APOLD1: variants seen among roughly 807,000 people sequenced by gnomAD.
APOLD1 encodes the protein apolipoprotein L domain-containing protein 1.
In APOLD1, 22 loss-of-function variants were observed where a neutral mutation model predicts 15.3. The ratio of observed to expected loss-of-function variants is 1.44; its 90% confidence interval spans 1.03 to 2.05. The LOEUF (loss-of-function observed/expected upper bound fraction) is 2.05, where lower values mean the gene tolerates loss of function less well. Among genes scored for constraint, APOLD1 ranks in the 30% most tolerant of loss-of-function variants. The probability of loss-of-function intolerance (pLI) is 0.00; values close to 1 mark genes in which losing one functional copy is unlikely to be tolerated. For missense variants in APOLD1, 394 were observed against 353.5 expected, an observed-to-expected ratio of 1.11 and a Z score of -0.92; for synonymous variants, 190 against 167.4, an observed-to-expected ratio of 1.13 and a Z score of -1.04.
chr12:12,764,897 TG>T (rs1343096783), intron 1 of APOLD1, among the ~76,000 whole-genome samples: 1 of 152,198 alleles, frequency 6.6e-6, no homozygotes, highest in Non-Finnish European at 1.5e-5. Context: ...AATAAAGATT[TG>T]TTTCTTATTC....
upstream of APOLD1, among the ~76,000 whole-genome samples, chr12:12,785,365 T>G (rs1170243787): frequency 6.6e-6 from 1 of 152,172 alleles, no homozygotes; most frequent in African/African-American, 2.4e-5. Context: ...TCATTAGCTA[T>G]TCTCAGGAAA....
chr12:12,756,427 T>G (rs371125198), intron 1 of APOLD1, among the ~76,000 whole-genome samples: 9 of 152,360 alleles, frequency 5.9e-5, no homozygotes, highest in African/African-American at 1.9e-4. Context: ...ATTTGGTTAA[T>G]CTTTTCAAGA....
At chr12:12,748,043 CAG>C (rs1946779810) in intron 1 of APOLD1, among the ~76,000 whole-genome samples, 1 of 152,142 alleles carries the variant, frequency 6.6e-6, no homozygotes, top group South Asian at 2.1e-4. Flanking sequence ...ATGGGGCTGT[CAG>C]AGGGCCTAAG....
intron 1 of APOLD1, among the ~76,000 whole-genome samples, chr12:12,766,256 T>C (rs1946941942): frequency 6.6e-6 from 1 of 152,206 alleles, no homozygotes; most frequent in Non-Finnish European, 1.5e-5. Context: ...TTGAAAGAAT[T>C]TGATTGGCAA....
intron 1 of APOLD1, among the ~76,000 whole-genome samples, chr12:12,771,146 T>C (rs1003710393): frequency 2.0e-5 from 3 of 152,178 alleles, no homozygotes; most frequent in African/African-American, 7.2e-5. Context: ...AACTCAGATA[T>C]ACATTAAGAA....
upstream of APOLD1, among the ~76,000 whole-genome samples, chr12:12,783,138 G>A (rs375111470): frequency 5.3e-5 from 8 of 152,132 alleles, no homozygotes; most frequent in East Asian, 3.9e-4. Context: ...TCTGGGAGGC[G>A]GAGATTGCAG....
chr12:12,773,756 T>C (rs567493353), intron 1 of APOLD1, among the ~76,000 whole-genome samples: 2 of 152,160 alleles, frequency 1.3e-5, no homozygotes, highest in South Asian at 2.1e-4. Flanking sequence ...AACAGACCGA[T>C]AGAATAGAAT....
chr12:12,765,089 G>A (rs1394543438), intron 1 of APOLD1, among the ~76,000 whole-genome samples: 2 of 152,114 alleles, frequency 1.3e-5, no homozygotes, highest in African/African-American at 2.4e-5. Flanking sequence ...AGGGAGTGCT[G>A]GGAAATGTAG....
intron 1 of APOLD1, among the ~76,000 whole-genome samples, chr12:12,743,393 G>A (rs958625478): frequency 1.3e-5 from 2 of 152,082 alleles, no homozygotes; most frequent in Non-Finnish European, 2.9e-5. Context: ...TGTGATTAAT[G>A]TTAAGCACCT....
intron 1 of APOLD1, among the ~76,000 whole-genome samples, chr12:12,750,241 A>G (rs1565429737): frequency 6.6e-6 from 1 of 152,010 alleles, no homozygotes; most frequent in African/African-American, 2.4e-5. Flanking sequence ...GTGTGGTGGC[A>G]CATGGCAGTA....
chr12:12,740,171 T>C lies in APOLD1; in HGVS notation c.96+14075T>C, dbSNP rs765556513. ...TAATTTTTTGTATGTTTAGTAGAGA[T>C]GGGGTTTCACCGTGTTAGCCAGGAT... On this transcript the variant is annotated intron_variant, in intron 1 of 1. Coordinates refer to the APOLD1 transcript ENST00000326765. 1.3e-3 allele frequency among the ~76,000 whole-genome samples: 197 copies of C among 152,178 alleles called. 1 individual carries two copies. Among genetic ancestry groups the C allele is most frequent in the Admixed American group, 2.4e-3 (37 of 15,272 alleles).
intron 1 of APOLD1, among the ~76,000 whole-genome samples, chr12:12,757,539 C>G (rs1047729099): frequency 2.7e-4 from 41 of 152,144 alleles, no homozygotes; most frequent in African/African-American, 8.2e-4. Context: ...GTAAAGAGAA[C>G]ATCTTTGTGA....
upstream of APOLD1, among the ~76,000 whole-genome samples, chr12:12,781,029 T>C (rs796173671): frequency 1.1e-4 from 17 of 152,300 alleles, no homozygotes; most frequent in African/African-American, 3.8e-4. Context: ...ATTAATATTT[T>C]ATAAATCCTG....
chr12:12,739,162 C>T (rs149915552), intron 1 of APOLD1, among the ~76,000 whole-genome samples: 7 of 152,126 alleles, frequency 4.6e-5, no homozygotes, highest in African/African-American at 1.2e-4. Context: ...AGACTGAATG[C>T]GGAGAATACA....
chr12:12,750,304 G>A (rs754329486), intron 1 of APOLD1, among the ~76,000 whole-genome samples: 4 of 148,202 alleles, frequency 2.7e-5, no homozygotes, highest in African/African-American at 7.4e-5. Context: ...CCCGGGAGAC[G>A]GAGGTTGCAG....
intron 1 of APOLD1, among the ~76,000 whole-genome samples, chr12:12,776,857 G>T (rs1365396655): frequency 6.6e-6 from 1 of 152,114 alleles, no homozygotes; most frequent in Non-Finnish European, 1.5e-5. Flanking sequence ...TAGTGGAATA[G>T]ATTTCCTAGA....
chr12:12,739,588 G>A (rs1013807505), intron 1 of APOLD1, among the ~76,000 whole-genome samples: 5 of 152,060 alleles, frequency 3.3e-5, no homozygotes, highest in African/African-American at 1.2e-4. Flanking sequence ...ATTTCTAAAA[G>A]GAGAAAAACC....
chr12:12,760,388 A>G (rs1341943894), intron 1 of APOLD1, among the ~76,000 whole-genome samples: 1 of 152,060 alleles, frequency 6.6e-6, no homozygotes, highest in Non-Finnish European at 1.5e-5. Context: ...CTGTAATCCC[A>G]GCAGTTTGGG....
At chr12:12,774,827 A>G (rs1947019821) in intron 1 of APOLD1, among the ~76,000 whole-genome samples, 1 of 152,214 alleles carries the variant, frequency 6.6e-6, no homozygotes, top group Admixed American at 6.5e-5. Context: ...GTGGAGCAGC[A>G]GAAACTCTCC....
Sources: allele counts gnomAD v4.1 joint callset (sites outside exome capture counted in the v4.1 genomes callset), GRCh38; gene constraint gnomAD v4.1.1; transcripts MANE v1.5; gene names NCBI Gene and HGNC (gene_info 2026-07-23, HGNC 2026-07-21).